The following TENM1 variants were observed in gnomAD, a reference collection of about 807,000 sequenced individuals.
The protein encoded by TENM1 is teneurin-1.
Under a neutral mutation model 174.8 loss-of-function variants are expected in TENM1, and 35 were observed. That is an observed-to-expected ratio of 0.20 (90% CI 0.15 to 0.27). The LOEUF (loss-of-function observed/expected upper bound fraction) is 0.27. Ranked by LOEUF, TENM1 falls within the 10% of genes least tolerant of loss-of-function variation. The probability of loss-of-function intolerance (pLI) is 1.00; values close to 1 mark genes in which losing one functional copy is unlikely to be tolerated. For synonymous variants in TENM1, 781 were observed against 798.7 expected (o/e 0.98, Z 0.37); for missense variants, 1,633 against 2,130.1 (o/e 0.77, Z 4.59).
At chrX:124,381,354 G>A (rs994389475) in intron 31 of TENM1, 60 bp from the exon 35 acceptor site, 2 of 1,072,502 alleles carry the variant, frequency 1.9e-6, no homozygotes, top group African/African-American at 3.7e-5. Context: ...CAGATACTTG[G>A]TGATTGTGGA....
intron 15 of TENM1, among the ~76,000 whole-genome samples, chrX:124,539,140 A>G (rs940783220): frequency 2.7e-5 from 3 of 111,850 alleles, no homozygotes; most frequent in Non-Finnish European, 5.6e-5. Context: ...TCCATTGCAC[A>G]TTATGTCACA....
chrX:124,929,036 TTGTTTTGTTA>T (rs1380865078), intron 1 of TENM1, among the ~76,000 whole-genome samples: 1 of 112,105 alleles, frequency 8.9e-6, no homozygotes, highest in Non-Finnish European at 1.9e-5. Context: ...TGTTTTTGTT[TTGTTTTGTTA>T]TGTTTTGTTT....
intron 11 of TENM1, among the ~76,000 whole-genome samples, chrX:124,583,154 C>A (rs769431867): frequency 2.4e-4 from 27 of 111,219 alleles, no homozygotes; most frequent in African/African-American, 8.8e-4. Context: ...ACTTAAATGT[C>A]CCTGTCTGAC....
chrX:124,826,644 A>G (rs2056167837), intron 3 of TENM1, among the ~76,000 whole-genome samples: 1 of 111,667 alleles, frequency 9.0e-6, no homozygotes. Context: ...TCTGCAAGCA[A>G]ATAAGCCAAA....
At chrX:124,482,736 G>C (rs2046872170) in intron 21 of TENM1, among the ~76,000 whole-genome samples, 1 of 111,867 alleles carries the variant, frequency 8.9e-6, no homozygotes, top group South Asian at 3.7e-4. Flanking sequence ...ATACTCACAA[G>C]GAATCTCAAG....
At chrX:124,973,361 G>T in the TENM1 span, among the ~76,000 whole-genome samples, 1 of 111,542 alleles carries the variant, frequency 9.0e-6, no homozygotes, top group Non-Finnish European at 1.9e-5. Context: ...TTGTCTTTTT[G>T]CTTAGGATTG....
At chrX:124,809,048 A>T (rs1400613933) in intron 3 of TENM1, among the ~76,000 whole-genome samples, 2 of 111,620 alleles carry the variant, frequency 1.8e-5, no homozygotes, top group Non-Finnish European at 3.8e-5. Flanking sequence ...GGTTTTTTTT[A>T]AAAGATAAAA....
At chrX:124,793,783 T>C (rs1345584504) in intron 3 of TENM1, among the ~76,000 whole-genome samples, 13 of 111,521 alleles carry the variant, frequency 1.2e-4, no homozygotes, top group Admixed American at 8.6e-4. Context: ...AAATTTTTCA[T>C]TTTTATTAAT....
In TENM1 at chrX:124,525,611, T is replaced by TA. The variant is rs1222604749; in HGVS notation, c.2772-1987dup. Among the ~76,000 whole-genome samples the TA allele has an allele frequency of 1.8e-3, 206 of 111,448 alleles. No individual in the cohort carries two copies. In the Middle Eastern group the frequency reaches 0.023, roughly 12 times the overall value. On this transcript the variant is annotated intron_variant, in intron 16 of 31. Coordinates refer to ENST00000422452, the Ensembl canonical transcript of TENM1. ...GCCTGGAAATTATTCTCTCTCTTTT[T>TA]AAAAAAAAACTTTTATTCTGTACTT...
At chrX:124,742,756 C>A (rs998571743) in intron 3 of TENM1, among the ~76,000 whole-genome samples, 4 of 110,450 alleles carry the variant, frequency 3.6e-5, no homozygotes, top group Non-Finnish European at 7.6e-5. Context: ...TATTTAACCA[C>A]CTTCCTGAGC....
chrX:125,080,631 T>C, the TENM1 span, among the ~76,000 whole-genome samples: 1 of 111,080 alleles, frequency 9.0e-6, no homozygotes, highest in Non-Finnish European at 1.9e-5. Context: ...CCTGAAAATA[T>C]AAAATATAAA....
At chrX:124,383,845 G>T in exon 30 of TENM1, 1 of 1,210,423 alleles carries the variant, frequency 8.3e-7, no homozygotes, top group Non-Finnish European at 1.1e-6. Context: ...AACCAATAAT[G>T]ACCTGAAAGT....
In TENM1 at chrX:124,730,420, C is replaced by T. The variant is rs1166998980; in HGVS notation, c.776+6537G>A. The stretch of plus-strand genomic sequence containing the variant: ...GGAACTCATTTAATGCTCACAATGG[C>T]CTTATGAGCTAGGTTTTACTATTAT... On this transcript the variant is annotated intron_variant, in intron 4 of 31. Transcript: ENST00000422452. 3.6e-5 allele frequency among the ~76,000 whole-genome samples: 4 copies of T among 111,249 alleles called. 1 individual carries two copies. The highest frequency in any genetic ancestry group is 2.8e-4 in the East Asian group (1 of 3,553).
the TENM1 span, among the ~76,000 whole-genome samples, chrX:125,160,544 CA>C: frequency 0.19 from 5,247 of 27,963 alleles, 34 homozygotes; most frequent in South Asian, 0.27. Flanking sequence ...GACCCCGTCT[CA>C]AAAAAAAAAA....
exon 32 of TENM1, chrX:124,380,740 G>A (rs200897550): frequency 8.3e-7 from 1 of 1,209,530 alleles, no homozygotes; most frequent in African/African-American, 1.7e-5. Flanking sequence ...CCTTAGTCCA[G>A]GCCTGGGCCA....
At chrX:124,511,577 T>C (rs1226996410) in intron 18 of TENM1, among the ~76,000 whole-genome samples, 1 of 111,505 alleles carries the variant, frequency 9.0e-6, no homozygotes, top group African/African-American at 3.3e-5. Flanking sequence ...TTTCTGACCC[T>C]CAGTTTCCCC....
At chrX:124,563,354 T>C (rs764983346) in intron 13 of TENM1, among the ~76,000 whole-genome samples, 36 of 108,983 alleles carry the variant, frequency 3.3e-4, no homozygotes, top group Middle Eastern at 4.3e-3. Flanking sequence ...GTTCATCTTC[T>C]GAACCAAATT....
At chrX:124,945,312 G>A (rs1249113929) in intron 1 of TENM1, among the ~76,000 whole-genome samples, 1 of 111,489 alleles carries the variant, frequency 9.0e-6, no homozygotes, top group Non-Finnish European at 1.9e-5. Flanking sequence ...CACATGGAAA[G>A]GGAAGCCACA....
chrX:124,724,271 C>T (rs757298129), intron 4 of TENM1, among the ~76,000 whole-genome samples: 27 of 111,982 alleles, frequency 2.4e-4, no homozygotes, highest in Non-Finnish European at 4.1e-4. Flanking sequence ...TTTTGTTGAA[C>T]GATATGAGCC....
Sources: gnomAD v4.1 joint callset for allele counts (sites outside exome capture counted in the v4.1 genomes callset) on GRCh38, gnomAD v4.1.1 for gene constraint, MANE v1.5 for transcripts, NCBI Gene and HGNC (gene_info 2026-07-23, HGNC 2026-07-21) for gene names.